The following CADPS2 variants were observed in gnomAD, a reference collection of about 807,000 sequenced individuals.
CADPS2 encodes the protein calcium-dependent secretion activator 2.
CADPS2 carries 93 observed loss-of-function variants against 172.5 expected under a neutral mutation model. The observed-to-expected ratio is 0.54, with a 90% CI of 0.46 to 0.64. The LOEUF is 0.64. CADPS2 is among the 30% of genes least tolerant of loss of function. CADPS2 has a pLI of 0.00. For missense variants in CADPS2, 1,420 were observed against 1,565.9 expected (o/e 0.91, Z 1.57); for synonymous variants, 546 against 555.2 (o/e 0.98, Z 0.23).
chr7:122,615,280 T>C lies in CADPS2; in HGVS notation c.1124A>G (p.Gln375Arg). The C allele has an allele frequency of 6.5e-7, 1 of 1,546,580 alleles. No homozygotes were observed. The highest frequency in any genetic ancestry group is 8.8e-7 in the Non-Finnish European group (1 of 1,141,722). The change falls in exon 6 of 30, where the codon CAA becomes CGA. Residue 375 changes from glutamine (Q) to arginine (R), a missense_variant. Coordinates refer to ENST00000449022, the MANE Select transcript of CADPS2 (RefSeq NM_017954.11). ...ATTGGGAGCAACTGACTTCAGGCCT[T>C]GCACTTCCATTATGACAATCTAAAG... ...FTLEIVIMEVQGLKSVAPNRI... is the reference protein window; with the variant it reads ...FTLEIVIMEVRGLKSVAPNRI...
At chr7:122,820,048 T>A (rs1802685401) in intron 1 of CADPS2, among the ~76,000 whole-genome samples, 5 of 152,284 alleles carry the variant, frequency 3.3e-5, no homozygotes, top group Admixed American at 3.3e-4. Context: ...GCCTTACAAG[T>A]TAGTTCAGGA....
chr7:122,449,116 CA>C (rs1336964121), intron 15 of CADPS2, among the ~76,000 whole-genome samples: 6 of 152,132 alleles, frequency 3.9e-5, no homozygotes, highest in South Asian at 4.2e-4. Context: ...TTGTTTAAAA[CA>C]GTTGGAGGCA....
At chr7:122,692,448 G>A (rs1266680617) in intron 2 of CADPS2, among the ~76,000 whole-genome samples, 2 of 152,302 alleles carry the variant, frequency 1.3e-5, no homozygotes, top group African/African-American at 2.4e-5. Context: ...CTCTGCCAGC[G>A]AAGGTATGCT....
intron 1 of CADPS2, among the ~76,000 whole-genome samples, chr7:122,757,268 T>C (rs1182368154): frequency 1.3e-5 from 2 of 152,062 alleles, no homozygotes; most frequent in Non-Finnish European, 2.9e-5. Flanking sequence ...CAGTTCAGCC[T>C]CCCAAATAGC....
chr7:122,818,791 C>G (rs1198671936), intron 1 of CADPS2, among the ~76,000 whole-genome samples: 21 of 152,178 alleles, frequency 1.4e-4, no homozygotes. Context: ...AAGGTTAATG[C>G]TCCTTTTTCT....
At chr7:122,693,716 G>A (rs2084698827) in intron 2 of CADPS2, among the ~76,000 whole-genome samples, 2 of 152,192 alleles carry the variant, frequency 1.3e-5, no homozygotes, top group African/African-American at 2.4e-5. Context: ...AGCACTTTGG[G>A]AGGCTGAGGT....
chr7:122,338,323 G>A (rs992386353), intron 28 of CADPS2, among the ~76,000 whole-genome samples: 4 of 152,188 alleles, frequency 2.6e-5, no homozygotes, highest in African/African-American at 9.7e-5. Flanking sequence ...GAGCCCAGGA[G>A]GCAGAGGTTA....
chr7:122,660,226 G>A (rs1008175396), intron 3 of CADPS2, among the ~76,000 whole-genome samples: 3 of 152,168 alleles, frequency 2.0e-5, no homozygotes, highest in Non-Finnish European at 4.4e-5. Context: ...AATGCCACAA[G>A]GGATGCGAGG....
chr7:122,320,130 C>G lies in CADPS2; in HGVS notation c.*35G>C. On this transcript the variant is annotated 3_prime_UTR_variant, in exon 30 of 30. Coordinates refer to ENST00000449022, the MANE Select transcript of CADPS2 (RefSeq NM_017954.11). ...TAAAAAAATAAAAAACAATGTCGAT[C>G]AAGGTCTTCCTTCCTTCTGCAAAGC... is the stretch of plus-strand genomic sequence containing the variant. 4 of 1,506,268 alleles carry G rather than the reference C, an allele frequency of 2.7e-6. No individual in the cohort carries two copies. The South Asian group carries it at 5.3e-5, about 20-fold the overall frequency. The allele number at this position is 1,506,268 out of a possible 1,614,324, so 93.3% of individuals were successfully genotyped here.
At chr7:122,657,689 T>C (rs1215534644) in intron 3 of CADPS2, among the ~76,000 whole-genome samples, 2 of 152,196 alleles carry the variant, frequency 1.3e-5, no homozygotes, top group Non-Finnish European at 2.9e-5. Context: ...AAATTGTTTA[T>C]CAGCTTAAGG....
intron 1 of CADPS2, among the ~76,000 whole-genome samples, chr7:122,857,776 G>A (rs369422269): frequency 3.9e-5 from 6 of 152,192 alleles, no homozygotes; most frequent in East Asian, 1.9e-4. Context: ...TCGTGGTCTC[G>A]CTGACTTCAA....
chr7:122,787,713 G>GGA (rs1794374069), intron 1 of CADPS2, among the ~76,000 whole-genome samples: 1 of 152,170 alleles, frequency 6.6e-6, no homozygotes, highest in Admixed American at 6.5e-5. Context: ...TGTGGGGCAG[G>GGA]GACAAGGAAG....
rs549328328 is a variant in CADPS2, at chr7:122,845,917, G to A, written c.339+40082C>T. 3.3e-5 allele frequency among the ~76,000 whole-genome samples: 5 copies of A among 152,216 alleles called. No homozygotes were observed. The South Asian group carries it at 8.3e-4, about 25-fold the overall frequency. Reference sequence around the variant, plus strand: ...GATAGAGAGGGAAACACAAAATAGCGTTATGATTGCTCGCCAACACGGTGG... The same window carrying A: ...GATAGAGAGGGAAACACAAAATAGCATTATGATTGCTCGCCAACACGGTGG... On this transcript the variant is annotated intron_variant, in intron 1 of 29. Coordinates refer to ENST00000449022, the MANE Select transcript of CADPS2 (RefSeq NM_017954.11).
At chr7:122,442,377 C>T (rs761375363) in intron 15 of CADPS2, among the ~76,000 whole-genome samples, 1 of 152,114 alleles carries the variant, frequency 6.6e-6, no homozygotes, top group Non-Finnish European at 1.5e-5. Context: ...CAGCAAAGTG[C>T]CTCCTCCCAG....
At chr7:122,650,434 T>C (rs542160168) in intron 3 of CADPS2, among the ~76,000 whole-genome samples, 1 of 152,254 alleles carries the variant, frequency 6.6e-6, no homozygotes, top group African/African-American at 2.4e-5. Context: ...ACCACAAAGA[T>C]GTGATCTCTT....
In CADPS2 at chr7:122,863,069, A is replaced by G. The variant is rs1375439237; in HGVS notation, c.339+22930T>C. On this transcript the variant is annotated intron_variant, in intron 1 of 29. Coordinates refer to ENST00000449022, the MANE Select transcript of CADPS2 (RefSeq NM_017954.11). ...CCTTAAAATCAAGAAAAATGTGACA[A>G]CTGAAAATGAAGGCTGATACAAGCA... 2.6e-5 allele frequency among the ~76,000 whole-genome samples: 4 copies of G among 152,196 alleles called. No homozygotes were observed. In the East Asian group the frequency reaches 7.7e-4, roughly 29 times the overall value.
At chr7:122,496,817 A>G (rs1390487232) in intron 9 of CADPS2, among the ~76,000 whole-genome samples, 1 of 152,174 alleles carries the variant, frequency 6.6e-6, no homozygotes, top group South Asian at 2.1e-4. Context: ...ATTATTATTC[A>G]GTGATTATTC....
chr7:122,781,569 A>G (rs1003771814), intron 1 of CADPS2, among the ~76,000 whole-genome samples: 1 of 152,144 alleles, frequency 6.6e-6, no homozygotes, highest in African/African-American at 2.4e-5. Flanking sequence ...TTTGTTCCAT[A>G]CTCATAATTC....
intron 25 of CADPS2, among the ~76,000 whole-genome samples, chr7:122,364,270 C>T (rs1270907256): frequency 3.3e-5 from 5 of 151,696 alleles, no homozygotes; most frequent in Admixed American, 1.3e-4. Flanking sequence ...AAAAAATTGG[C>T]TGGGCATGGT....
Sources: allele counts gnomAD v4.1 joint callset (sites outside exome capture counted in the v4.1 genomes callset), GRCh38; gene constraint gnomAD v4.1.1; transcripts MANE v1.5; gene names NCBI Gene and HGNC (gene_info 2026-07-23, HGNC 2026-07-21).